Variants in NRDC observed in about 807,000 individuals in gnomAD.
NRDC encodes nardilysin.
NRDC carries 54 observed loss-of-function variants against 147.1 expected under a neutral mutation model. The observed-to-expected ratio is 0.37, with a 90% CI of 0.29 to 0.46. NRDC has a LOEUF of 0.46. NRDC is among the 20% of genes least tolerant of loss of function. NRDC has a pLI of 1.00. For missense variants in NRDC, 1,082 were observed against 1,370.6 expected, an observed-to-expected ratio of 0.79 and a Z score of 3.33; for synonymous variants, 440 against 482.1, an observed-to-expected ratio of 0.91 and a Z score of 1.14.
At chr1:51,826,830 A>G (rs1336769149) in intron 5 of NRDC, among the ~76,000 whole-genome samples, 1 of 152,224 alleles carries the variant, frequency 6.6e-6, no homozygotes, top group Admixed American at 6.5e-5. Context: ...TTAAAATTGT[A>G]AAATCTAATT....
intron 6 of NRDC, among the ~76,000 whole-genome samples, 185 bp from the exon 7 acceptor site, chr1:51,823,971 C>A (rs1370393088): frequency 2.0e-5 from 3 of 151,882 alleles, no homozygotes; most frequent in Admixed American, 1.3e-4. Flanking sequence ...AGAAACAATT[C>A]TGAAGTATAT....
At chr1:51,862,228 T>C (rs1318416398) in intron 1 of NRDC, 1 of 151,922 alleles carries the variant, frequency 6.6e-6, no homozygotes, top group East Asian at 1.9e-4. Flanking sequence ...AAAAAATACA[T>C]ATATACGTAT....
chr1:51,803,639 T>C (rs1557901565), intron 20 of NRDC, among the ~76,000 whole-genome samples, 175 bp downstream of exon 20: 1 of 152,238 alleles, frequency 6.6e-6, no homozygotes, highest in South Asian at 2.1e-4. Context: ...ATGAAACATA[T>C]GTTGTTCTTA....
intron 1 of NRDC, among the ~76,000 whole-genome samples, chr1:51,873,674 C>T (rs1235986871): frequency 6.6e-6 from 1 of 151,580 alleles, no homozygotes; most frequent in African/African-American, 2.4e-5. Flanking sequence ...CTACAACTGG[C>T]TAATTTTTTT....
At chr1:51,856,968 A>T (rs1352757509) in intron 1 of NRDC, among the ~76,000 whole-genome samples, 1 of 152,194 alleles carries the variant, frequency 6.6e-6, no homozygotes, top group Non-Finnish European at 1.5e-5. Context: ...TATATGTAAC[A>T]TTTGTTAAAT....
At chr1:51,821,654 A>C in intron 7 of NRDC, 99 bp from the exon 8 acceptor site, 1 of 856,212 alleles carries the variant, frequency 1.2e-6, no homozygotes, top group East Asian at 2.5e-5. Context: ...CTAAAAAACA[A>C]AGGGATATTT....
Position 51,798,393 on chromosome 1 carries a change from G to A in NRDC, c.2460C>T (p.Ile820=). The A allele has an allele frequency of 1.2e-6, 2 of 1,613,746 alleles. No individual in the cohort carries two copies. Among genetic ancestry groups the A allele is most frequent in the Non-Finnish European group, 1.7e-6 (2 of 1,179,790 alleles). The part of the protein sequence containing the change: ...ETLAKDVRLL[I]LEYARWSMID... Reference sequence around the variant, plus strand: ...TCATAGACCAACGGGCATATTCCAAGATTAAAAGCCGTACATCTCTGTACA... The same window carrying A: ...TCATAGACCAACGGGCATATTCCAAAATTAAAAGCCGTACATCTCTGTACA... The change falls in exon 22 of 31, where the codon ATC becomes ATT. Residue 820 remains isoleucine (I), a synonymous_variant. Coordinates refer to ENST00000352171, the MANE Select transcript of NRDC (RefSeq NM_001101662.2).
intron 1 of NRDC, among the ~76,000 whole-genome samples, chr1:51,874,183 T>G (rs1412176126): frequency 6.6e-6 from 1 of 151,922 alleles, no homozygotes. Context: ...CCTTTTCATT[T>G]GTTCTTTCCT....
intron 18 of NRDC, 83 bp from the exon 19 acceptor site, chr1:51,805,644 T>G (rs893560072): frequency 1.2e-6 from 1 of 806,228 alleles, no homozygotes; most frequent in Non-Finnish European, 1.9e-6. Context: ...AATATATATA[T>G]TTTTTAAATT....
intron 1 of NRDC, among the ~76,000 whole-genome samples, chr1:51,847,478 T>C (rs960931631): frequency 6.6e-6 from 1 of 151,552 alleles, no homozygotes; most frequent in Non-Finnish European, 1.5e-5. Context: ...CACGGCGGGG[T>C]GGGAGGCTCA....
intron 26 of NRDC, 122 bp downstream of exon 26, chr1:51,791,924 A>G (rs2149184123): frequency 9.9e-7 from 1 of 1,009,122 alleles, no homozygotes; most frequent in East Asian, 2.5e-5. Flanking sequence ...GGATGACTAA[A>G]TATCACCCTA....
intron 4 of NRDC, among the ~76,000 whole-genome samples, chr1:51,829,131 C>A (rs1230376072): frequency 1.3e-5 from 2 of 152,048 alleles, no homozygotes; most frequent in Non-Finnish European, 1.5e-5. Context: ...TGGCACATCA[C>A]GGCTCACTGG....
In NRDC at chr1:51,803,870, C is replaced by T; in HGVS notation, c.2257G>A (p.Val753Ile). The change falls in exon 20 of 31, where the codon GTA becomes ATA. Residue 753 changes from valine to isoleucine, a missense_variant. Coordinates refer to ENST00000352171, the MANE Select transcript of NRDC (RefSeq NM_001101662.2). ...ADVAQLEYKLVAGEHGLIIRV... is the reference protein window; with the variant it reads ...ADVAQLEYKLIAGEHGLIIRV... The stretch of plus-strand genomic sequence containing the variant: ...ATAATTAAACCATGTTCTCCAGCTA[C>T]CAGTTTATACTCCAGCTGTGCCACA... 6.2e-7 allele frequency: 1 copy of T among 1,613,844 alleles called. No homozygotes were observed. The highest frequency in any genetic ancestry group is 1.1e-5 in the South Asian group (1 of 91,030).
chr1:51,844,945 G>A (rs987693870), intron 1 of NRDC, among the ~76,000 whole-genome samples: 2 of 152,040 alleles, frequency 1.3e-5, no homozygotes, highest in Non-Finnish European at 2.9e-5. Context: ...TGTTATTTAA[G>A]CTACTCTGTC....
chr1:51,844,318 A>C (rs865827209), intron 1 of NRDC, among the ~76,000 whole-genome samples: 1 of 152,120 alleles, frequency 6.6e-6, no homozygotes, highest in African/African-American at 2.4e-5. Context: ...TAAAGAGGTA[A>C]TTAAGCTAAA....
At chr1:51,791,985 C>G (rs1678678726) in intron 26 of NRDC, 61 bp downstream of exon 26, 1 of 1,550,226 alleles carries the variant, frequency 6.5e-7, no homozygotes, top group Non-Finnish European at 8.9e-7. Context: ...ATCTGATGAA[C>G]AGCCTGCAAA....
intron 1 of NRDC, among the ~76,000 whole-genome samples, chr1:51,866,351 T>C (rs2842577): frequency 0.022 from 3,381 of 152,310 alleles, 111 homozygotes; most frequent in African/African-American, 0.077. Flanking sequence ...AGAGTACTAA[T>C]GGCAATATCT....
chr1:51,808,032 C>G (rs1186976148), intron 17 of NRDC, among the ~76,000 whole-genome samples: 1 of 152,238 alleles, frequency 6.6e-6, no homozygotes, highest in East Asian at 1.9e-4. Flanking sequence ...TCTCAAACTC[C>G]TGACCTCAGG....
At chr1:51,836,364 C>T in intron 2 of NRDC, 152 bp from the exon 3 acceptor site, 1 of 1,613,442 alleles carries the variant, frequency 6.2e-7, no homozygotes, top group Non-Finnish European at 8.5e-7. Context: ...CAAAGTGAAA[C>T]TCACCAGAAC....
Sources: gnomAD v4.1 joint callset for allele counts (sites outside exome capture counted in the v4.1 genomes callset) on GRCh38, gnomAD v4.1.1 for gene constraint, MANE v1.5 for transcripts, NCBI Gene and HGNC (gene_info 2026-07-23, HGNC 2026-07-21) for gene names.